The following ATP12A variants were observed in gnomAD, a reference collection of about 807,000 sequenced individuals.
ATP12A encodes the protein potassium-transporting ATPase alpha chain 2.
ATP12A carries 81 observed loss-of-function variants against 111.2 expected under a neutral mutation model. The ratio of observed to expected loss-of-function variants is 0.73; its 90% CI spans 0.61 to 0.88. ATP12A has a LOEUF of 0.88. Ranked by LOEUF, ATP12A falls within the 40% of genes least tolerant of loss-of-function variation. The probability of loss-of-function intolerance (pLI) is 0.00; values close to 1 mark genes in which losing one functional copy is unlikely to be tolerated. For synonymous variants in ATP12A, 498 were observed against 499.8 expected (o/e 1.00, Z 0.05); for missense variants, 1,196 against 1,313.1 (o/e 0.91, Z 1.38).
rs775562165 is a variant in ATP12A, at chr13:24,694,410, T to C, written c.1378-34T>C. The C allele has an allele frequency of 1.6e-5, 25 of 1,611,038 alleles. 1 individual carries two copies. In the South Asian group the frequency reaches 2.3e-4, roughly 15 times the overall value. On this transcript the variant is annotated intron_variant, in intron 10 of 22. Coordinates refer to ENST00000381946, the MANE Select transcript of ATP12A (RefSeq NM_001676.7). ...TGAGGGCATGTTGGTTCATTAAATATGTGCTGCAAATATTTTTCTTCTTTG... is the reference window on the plus strand; with the variant it reads ...TGAGGGCATGTTGGTTCATTAAATACGTGCTGCAAATATTTTTCTTCTTTG...
At chr13:24,706,996 A>G in intron 15 of ATP12A, 27 bp from the exon 16 acceptor site, 1 of 1,567,034 alleles carries the variant, frequency 6.4e-7, no homozygotes, top group Non-Finnish European at 8.7e-7. Flanking sequence ...GCTCACTCCC[A>G]CTTTCTCCCT....
rs1593135186 is a variant in ATP12A at position 24,692,351 on chromosome 13, C to G, written c.1069-78C>G. On this transcript the variant is annotated intron_variant, in intron 8 of 22. Coordinates refer to ENST00000381946, the MANE Select transcript of ATP12A (RefSeq NM_001676.7). ...TCTCTCCTAAAATTCAATCACAGCT[C>G]ACATTGGCTATTTCTGTATTATTGG... is the stretch of plus-strand genomic sequence containing the variant. The G allele has an allele frequency of 4.2e-6, 6 of 1,438,650 alleles. No homozygotes were observed. The East Asian group carries it at 1.1e-4, about 27-fold the overall frequency. 89.1% of individuals were successfully genotyped at this position (1,438,650 alleles called of 1,614,324 possible). A position where few individuals can be genotyped will look rare whatever the true frequency, so the allele number is the denominator to read the frequency against.
intron 8 of ATP12A, 39 bp from the exon 9 acceptor site, chr13:24,692,390 T>C (rs201938406): frequency 3.1e-6 from 5 of 1,598,342 alleles, no homozygotes; most frequent in East Asian, 4.5e-5. Flanking sequence ...TGAGTTCAAA[T>C]GAGGATTTTT....
intron 12 of ATP12A, among the ~76,000 whole-genome samples, chr13:24,699,716 C>T (rs895089933): frequency 1.3e-5 from 2 of 152,180 alleles, no homozygotes; most frequent in East Asian, 1.9e-4. Flanking sequence ...GGGGTGCCTG[C>T]GGTGTTGTCA....
Position 24,680,625 on chromosome 13 carries a change from C to T in ATP12A, c.-119C>T. On this transcript the variant is annotated 5_prime_UTR_variant, in exon 1 of 23. Coordinates refer to ENST00000381946, the MANE Select transcript of ATP12A (RefSeq NM_001676.7). The stretch of plus-strand genomic sequence containing the variant: ...CCCGCGCCGCCGCCGGTATCTCCAC[C>T]GCCAACACCTCAGCCACTGCCACTG... 6 of 1,254,920 alleles carry T rather than the reference C, an allele frequency of 4.8e-6. No homozygotes were observed. The highest frequency in any genetic ancestry group is 2.4e-5 in the Admixed American group (1 of 41,050). The allele number at this position is 1,254,920 out of a possible 1,614,324, so 77.7% of individuals were successfully genotyped here.
intron 15 of ATP12A, 126 bp downstream of exon 15, chr13:24,706,589 C>A (rs1388398109): frequency 1.8e-5 from 24 of 1,367,208 alleles, no homozygotes; most frequent in Non-Finnish European, 2.2e-5. Context: ...TTGGCTCATC[C>A]CCATCACCTG....
In ATP12A at chr13:24,702,050, C is replaced by T. The variant is rs774042709; in HGVS notation, c.1997C>T (p.Ala666Val). 2 of 1,614,224 alleles carry T rather than the reference C, an allele frequency of 1.2e-6. No individual in the cohort carries two copies. Among genetic ancestry groups the T allele is most frequent in the African/African-American group, 2.7e-5 (2 of 75,060 alleles). ...VEDIAHRLNI[A>V]VEQVNKRDAK... ...GACATTGCACATCGCCTCAACATTG[C>T]TGTGGAGCAAGTTAACAAACGGTAA... Residue 666 changes from alanine to valine, a missense_variant, in exon 14 of 23, where the codon GCT becomes GTT. Coordinates refer to ENST00000381946, the MANE Select transcript of ATP12A (RefSeq NM_001676.7).
chr13:24,704,694 G>T, intron 14 of ATP12A: 1 of 227,566 alleles, frequency 4.4e-6, no homozygotes, highest in South Asian at 5.6e-5. Flanking sequence ...TTTGGAACGA[G>T]AGAAAGACAT....
chr13:24,690,209 A>G, intron 5 of ATP12A, 129 bp from the exon 6 acceptor site: 1 of 1,410,384 alleles, frequency 7.1e-7, no homozygotes, highest in South Asian at 1.3e-5. Context: ...GCATAACAGC[A>G]TGGACTCAAC....
At chr13:24,698,510 C>A (rs563343036) in intron 11 of ATP12A, 148 bp from the exon 12 acceptor site, 4 of 883,752 alleles carry the variant, frequency 4.5e-6, no homozygotes, top group Middle Eastern at 3.4e-4. Context: ...TAGAGCTCTT[C>A]GTCTTACTTG....
At chr13:24,691,636 C>G (rs7318083) in intron 8 of ATP12A, among the ~76,000 whole-genome samples, 35,328 of 143,528 alleles carry the variant, frequency 0.25, 4,567 homozygotes, top group East Asian at 0.51. Context: ...ACCTCTCTTA[C>G]GAAAAAAAAA....
intron 11 of ATP12A, among the ~76,000 whole-genome samples, chr13:24,694,820 T>C (rs1875066276): frequency 6.6e-6 from 1 of 151,200 alleles, no homozygotes; most frequent in African/African-American, 2.4e-5. Flanking sequence ...GCTGCTCCTA[T>C]GAATGAGCCA....
At chr13:24,701,501 CAAA>C (rs10586421) in intron 13 of ATP12A, among the ~76,000 whole-genome samples, 96 of 101,382 alleles carry the variant, frequency 9.5e-4, no homozygotes, top group South Asian at 2.0e-3. Flanking sequence ...AACTCTGTCT[CAAA>C]AAAAAAAAAA....
chr13:24,695,850 C>T (rs1354858127), intron 11 of ATP12A, among the ~76,000 whole-genome samples: 1 of 152,136 alleles, frequency 6.6e-6, no homozygotes, highest in Non-Finnish European at 1.5e-5. Context: ...CTCCGGTGAT[C>T]TATCCGCCTT....
At chr13:24,697,484 A>C (rs73158372) in intron 11 of ATP12A, among the ~76,000 whole-genome samples, 5,171 of 151,884 alleles carry the variant, frequency 0.034, 118 homozygotes, top group Non-Finnish European at 0.048. Context: ...AAAAACAAAA[A>C]ACGAAATTAG....
intron 14 of ATP12A, 84 bp downstream of exon 14, chr13:24,702,155 A>G (rs2137713842): frequency 6.5e-7 from 1 of 1,548,168 alleles, no homozygotes; most frequent in Non-Finnish European, 8.9e-7. Context: ...TACTTGGAAC[A>G]AATCAGCTTT....
rs141092295 is a variant in ATP12A at position 24,688,377 on chromosome 13, C to A, written c.287C>A (p.Thr96Asn). ...LLARDGPNSL[T>N]PPKQTPEIVK... Reference sequence around the variant, plus strand: ...GCCCGGGATGGGCCCAACTCCCTCACCCCTCCCAAGCAGACGCCTGAGATC... The same window carrying A: ...GCCCGGGATGGGCCCAACTCCCTCAACCCTCCCAAGCAGACGCCTGAGATC... The change falls in exon 4 of 23, where the codon ACC becomes AAC. Residue 96 changes from threonine to asparagine, a missense_variant. Transcript: ENST00000381946. 1.9e-6 allele frequency: 3 copies of A among 1,614,138 alleles called. No individual in the cohort carries two copies. Among genetic ancestry groups the A allele is most frequent in the Non-Finnish European group, 2.5e-6 (3 of 1,180,006 alleles).
chr13:24,698,884 G>C (rs1474433221), intron 12 of ATP12A, 34 bp downstream of exon 12: 6 of 1,607,658 alleles, frequency 3.7e-6, no homozygotes, highest in African/African-American at 1.3e-5. Flanking sequence ...CCCATCACCT[G>C]GTGGGCACAG....
rs371154921 is a variant in ATP12A, at chr13:24,710,806, G to C, written c.2912G>C (p.Trp971Ser). ...GTGTCTTGCAGAAATAAAGTCATCT[G>C]GGTGGGGATCACCTCACAGATCATC... is the stretch of plus-strand genomic sequence containing the variant. Reference protein sequence around the residue: ...QQGLFRNKVIWVGITSQIIIG... With the variant: ...QQGLFRNKVISVGITSQIIIG... The change falls in exon 21 of 23, where the codon TGG becomes TCG. Residue 971 changes from tryptophan (W) to serine (S), a missense_variant. This residue lies in a region of ATP12A where 1,126 missense variants were observed against 1,228.5 expected (regional missense o/e 0.92). Coordinates refer to ENST00000381946, the MANE Select transcript of ATP12A (RefSeq NM_001676.7). 2.5e-6 allele frequency: 4 copies of C among 1,614,060 alleles called. No homozygotes were observed. The highest frequency in any genetic ancestry group is 3.4e-6 in the Non-Finnish European group (4 of 1,180,026).
Sources: allele counts gnomAD v4.1 joint callset (sites outside exome capture counted in the v4.1 genomes callset), GRCh38; gene constraint gnomAD v4.1.1; regional missense constraint gnomAD v4.1.1; transcripts MANE v1.5; gene names NCBI Gene and HGNC (gene_info 2026-07-23, HGNC 2026-07-21).